Variants in RANBP2 observed in about 807,000 individuals in gnomAD.
The protein encoded by RANBP2 is RAN binding protein 2.
RANBP2 carries 57 observed loss-of-function variants against 303.6 expected under a neutral mutation model. The observed-to-expected ratio is 0.19, with a 90% CI of 0.15 to 0.23. RANBP2 has a LOEUF of 0.23. Ranked by LOEUF, RANBP2 falls within the 10% of genes least tolerant of loss-of-function variation. The pLI is 1.00. For synonymous variants in RANBP2, 1,167 were observed against 1,301.5 expected (o/e 0.90, Z 2.23); for missense variants, 3,138 against 3,780.8 (o/e 0.83, Z 4.46).
At chr2:109,446,962 A>C in the RANBP2 span, among the ~76,000 whole-genome samples, 1 of 151,686 alleles carries the variant, frequency 6.6e-6, no homozygotes, top group Non-Finnish European at 1.5e-5. Flanking sequence ...GGAGTCAGAC[A>C]GCTGAGGGGA....
chr2:109,675,027 T>C, the RANBP2 span, among the ~76,000 whole-genome samples: 3 of 152,120 alleles, frequency 2.0e-5, no homozygotes, highest in Non-Finnish European at 4.4e-5. Context: ...TGGAGTGCAA[T>C]GGTGCAATCA....
intron 18 of RANBP2, among the ~76,000 whole-genome samples, chr2:108,759,334 T>C (rs1676554704): frequency 1.3e-5 from 2 of 152,192 alleles, no homozygotes; most frequent in South Asian, 4.1e-4. Context: ...TACTCATTAT[T>C]ATACAGCTAG....
chr2:109,568,847 G>A, the RANBP2 span, among the ~76,000 whole-genome samples: 1 of 152,132 alleles, frequency 6.6e-6, no homozygotes, highest in Non-Finnish European at 1.5e-5. Flanking sequence ...GCAGAGGAAG[G>A]AAACTGTATG....
chr2:108,728,979 T>A (rs1320477202), intron 1 of RANBP2, among the ~76,000 whole-genome samples, 153 bp from the exon 2 acceptor site: 1 of 152,188 alleles, frequency 6.6e-6, no homozygotes, highest in Admixed American at 6.5e-5. Context: ...TTATAAAACA[T>A]GGAATTATGC....
At chr2:109,774,499 C>CATATAT in the RANBP2 span, among the ~76,000 whole-genome samples, 1 of 1,708 alleles carries the variant, frequency 5.9e-4, no homozygotes, top group African/African-American at 1.1e-3. Context: ...CAAAAACAAA[C>CATATAT]ATATATATAT....
chr2:109,062,455 T>G, the RANBP2 span, among the ~76,000 whole-genome samples: 2 of 149,622 alleles, frequency 1.3e-5, no homozygotes, highest in African/African-American at 4.8e-5. Context: ...TGGCTTGCAC[T>G]CCTGGTAAAG....
At chr2:108,853,994 A>C in the RANBP2 span, among the ~76,000 whole-genome samples, 1 of 10,694 alleles carries the variant, frequency 9.4e-5, no homozygotes, top group Non-Finnish European at 3.4e-4. Context: ...ATATATAATA[A>C]ATTTATATTA....
the RANBP2 span, among the ~76,000 whole-genome samples, chr2:109,115,801 C>T: frequency 6.6e-6 from 1 of 152,180 alleles, no homozygotes; most frequent in African/African-American, 2.4e-5. Flanking sequence ...GTGCTTCCTT[C>T]AGGAGCTCTT....
At chr2:108,745,469 G>C (rs1696430761) in intron 7 of RANBP2, among the ~76,000 whole-genome samples, 1 of 148,284 alleles carries the variant, frequency 6.7e-6, no homozygotes, top group South Asian at 2.2e-4. Context: ...TCCTTATATA[G>C]AATAAAAATA....
At chr2:109,603,732 A>C in the RANBP2 span, among the ~76,000 whole-genome samples, 1 of 152,184 alleles carries the variant, frequency 6.6e-6, no homozygotes, top group Non-Finnish European at 1.5e-5. Context: ...AAGCACTGGC[A>C]AGAAAAGGCT....
At chr2:109,190,877 G>A in the RANBP2 span, among the ~76,000 whole-genome samples, 1 of 151,690 alleles carries the variant, frequency 6.6e-6, no homozygotes, top group Non-Finnish European at 1.5e-5. Context: ...AAAGCACTGT[G>A]CTCTACCTAA....
At chr2:109,008,167 C>G in the RANBP2 span, among the ~76,000 whole-genome samples, 1 of 152,176 alleles carries the variant, frequency 6.6e-6, no homozygotes, top group Non-Finnish European at 1.5e-5. Context: ...TGCTTATGCC[C>G]TTGCCAAATT....
the RANBP2 span, among the ~76,000 whole-genome samples, chr2:109,513,917 G>A: frequency 2.0e-5 from 3 of 152,180 alleles, no homozygotes; most frequent in Non-Finnish European, 2.9e-5. Flanking sequence ...GATGGTGGCC[G>A]ATGAGCAAAT....
At chr2:109,165,034 C>T in the RANBP2 span, among the ~76,000 whole-genome samples, 6 of 152,200 alleles carry the variant, frequency 3.9e-5, no homozygotes, top group African/African-American at 7.2e-5. Flanking sequence ...GTTTCCTTCA[C>T]GGAATCATTT....
chr2:108,769,984 A>T (rs191379660), intron 20 of RANBP2, among the ~76,000 whole-genome samples: 150 of 152,260 alleles, frequency 9.9e-4, no homozygotes, highest in African/African-American at 3.4e-3. Context: ...CAGTTTTATT[A>T]CTAGCTAAGG....
the RANBP2 span, among the ~76,000 whole-genome samples, chr2:109,088,449 G>A: frequency 9.7e-4 from 146 of 150,956 alleles, 1 homozygote; most frequent in African/African-American, 3.3e-3. Context: ...ATGGTATAGA[G>A]GTAGTTAAAT....
At chr2:108,819,573 G>A in the RANBP2 span, among the ~76,000 whole-genome samples, 6 of 152,164 alleles carry the variant, frequency 3.9e-5, no homozygotes, top group African/African-American at 1.4e-4. Context: ...AGGAAACAGC[G>A]ATAAGTTGCT....
the RANBP2 span, among the ~76,000 whole-genome samples, chr2:108,959,512 T>C: frequency 5.3e-5 from 8 of 152,200 alleles, no homozygotes; most frequent in African/African-American, 4.8e-5. Context: ...CTGTGATGCT[T>C]AAAACCTGTG....
chr2:109,706,841 C>A, the RANBP2 span, among the ~76,000 whole-genome samples: 1 of 152,188 alleles, frequency 6.6e-6, no homozygotes, highest in South Asian at 2.1e-4. Flanking sequence ...ATGGGGTGCC[C>A]AGCGGGTTGC....
Sources: allele counts gnomAD v4.1 joint callset (sites outside exome capture counted in the v4.1 genomes callset), GRCh38; gene constraint gnomAD v4.1.1; transcripts MANE v1.5; gene names NCBI Gene and HGNC (gene_info 2026-07-23, HGNC 2026-07-21).